Variants in CLYBL observed in about 807,000 individuals in gnomAD.
CLYBL encodes the protein citramalyl-CoA lyase.
A neutral mutation model predicts 38.9 loss-of-function variants in CLYBL; 31 were observed. The ratio of observed to expected loss-of-function variants is 0.80; its 90% CI spans 0.60 to 1.08. The LOEUF (loss-of-function observed/expected upper bound fraction) is 1.08. CLYBL is among the 50% of genes least tolerant of loss of function. The probability of loss-of-function intolerance (pLI) is 0.00; values close to 1 mark genes in which losing one functional copy is unlikely to be tolerated. For synonymous variants in CLYBL, 171 were observed against 158.6 expected, an observed-to-expected ratio of 1.08 and a Z score of -0.59; for missense variants, 434 against 411.6, an observed-to-expected ratio of 1.05 and a Z score of -0.47.
chr13:99,856,707 C>T (rs1225833079), intron 2 of CLYBL, among the ~76,000 whole-genome samples: 1 of 152,054 alleles, frequency 6.6e-6, no homozygotes. Context: ...GGTACAGTCT[C>T]GGCTCACTGC....
chr13:99,736,447 T>C (rs746288198), intron 1 of CLYBL, among the ~76,000 whole-genome samples: 13 of 152,202 alleles, frequency 8.5e-5, no homozygotes, highest in Middle Eastern at 3.4e-3. Context: ...TGGAGGTCAG[T>C]GTTTTGCTAA....
chr13:99,761,597 T>C (rs2049166771), intron 1 of CLYBL, among the ~76,000 whole-genome samples: 1 of 152,242 alleles, frequency 6.6e-6, no homozygotes, highest in African/African-American at 2.4e-5. Context: ...TTCCATATTT[T>C]GGCTATTATG....
At chr13:99,618,674 A>G (rs1436363835) in intron 1 of CLYBL, among the ~76,000 whole-genome samples, 3 of 151,946 alleles carry the variant, frequency 2.0e-5, no homozygotes, top group Non-Finnish European at 1.5e-5. Flanking sequence ...ATCTTCCCAC[A>G]CTGAAACCCT....
At chr13:99,653,897 T>G (rs1434445714) in intron 1 of CLYBL, among the ~76,000 whole-genome samples, 1 of 152,154 alleles carries the variant, frequency 6.6e-6, no homozygotes, top group East Asian at 1.9e-4. Flanking sequence ...CAGATTTGGG[T>G]GTTATGGCCA....
Position 99,835,009 on chromosome 13 carries a change from A to T in CLYBL, c.250-23852A>T, listed in dbSNP as rs556649423. On this transcript the variant is annotated intron_variant, in intron 2 of 8. Coordinates refer to ENST00000339105, the MANE Select transcript of CLYBL (RefSeq NM_206808.5). ...GTTGGAACACACCTCCCTCTTCCTA[A>T]CACACACAGTGAGAAAGGGAATTCT... 8.7e-4 allele frequency among the ~76,000 whole-genome samples: 133 copies of T among 152,114 alleles called. 1 individual carries two copies. Among genetic ancestry groups the T allele is most frequent in the Non-Finnish European group, 1.7e-3 (118 of 67,994 alleles).
Position 99,810,977 on chromosome 13 carries a change from T to C in CLYBL, c.249+37967T>C, listed in dbSNP as rs1040171573. ...AAAGAAACAGAAGCCTACAATCCCATGGCAGATAAAAAATTTTAGGAGAGC... is the reference window on the plus strand; with the variant it reads ...AAAGAAACAGAAGCCTACAATCCCACGGCAGATAAAAAATTTTAGGAGAGC... On this transcript the variant is annotated intron_variant, in intron 2 of 8. Transcript: ENST00000339105. 2.2e-4 allele frequency among the ~76,000 whole-genome samples: 33 copies of C among 152,158 alleles called. 1 individual carries two copies. The highest frequency in any genetic ancestry group is 7.2e-4 in the African/African-American group (30 of 41,448).
At chr13:99,899,721 A>C (rs2052620237), downstream of CLYBL, among the ~76,000 whole-genome samples, 1 of 152,190 alleles carries the variant, frequency 6.6e-6, no homozygotes, top group Non-Finnish European at 1.5e-5. Flanking sequence ...ATGTAAAATA[A>C]AGAGGAAAAA....
intron 1 of CLYBL, among the ~76,000 whole-genome samples, chr13:99,629,886 C>G (rs1414468702): frequency 6.6e-6 from 1 of 152,184 alleles, no homozygotes; most frequent in African/African-American, 2.4e-5. Flanking sequence ...GTGAGGATCT[C>G]ACAGTGTTCT....
At chr13:99,848,066 C>A (rs181879767) in intron 2 of CLYBL, among the ~76,000 whole-genome samples, 8 of 152,270 alleles carry the variant, frequency 5.3e-5, no homozygotes, top group African/African-American at 1.9e-4. Flanking sequence ...CTGTTCCTGC[C>A]GCTGCCCTGC....
intron 6 of CLYBL, among the ~76,000 whole-genome samples, chr13:99,870,720 A>G (rs2051867090): frequency 6.6e-6 from 1 of 152,196 alleles, no homozygotes; most frequent in South Asian, 2.1e-4. Flanking sequence ...CGGAAACACA[A>G]TTACTTCCAT....
rs1594079186 is a variant in CLYBL, at chr13:99,607,432, G to A, written c.62+675G>A. On this transcript the variant is annotated intron_variant, in intron 1 of 8. Transcript: ENST00000339105. ...TATTTGAAAGAAATTCTGGGCTCAT[G>A]CAGATGCAGATATTAGTTGGGAAAG... Among the ~76,000 whole-genome samples the A allele has an allele frequency of 2.6e-5, 4 of 152,306 alleles. 1 individual carries two copies. The highest frequency in any genetic ancestry group is 2.6e-4 in the Admixed American group (4 of 15,294).
rs2048188683 is a variant in CLYBL at position 99,709,082 on chromosome 13, G to A, written c.63-63742G>A. ...CACTCCAGCCTGGGCGGCAGAGCGA[G>A]ACTCTGTCTAAAAAAAAAGAAAGAA... On this transcript the variant is annotated intron_variant, in intron 1 of 8. Transcript: ENST00000339105. Among the ~76,000 whole-genome samples the A allele has an allele frequency of 2.0e-5, 3 of 151,842 alleles. No homozygotes were observed. In the South Asian group the frequency reaches 6.3e-4, roughly 32 times the overall value.
intron 2 of CLYBL, among the ~76,000 whole-genome samples, chr13:99,803,992 T>A (rs2050183125): frequency 6.6e-6 from 1 of 152,134 alleles, no homozygotes; most frequent in South Asian, 2.1e-4. Flanking sequence ...CGGAAGATGC[T>A]GAGGATGTTA....
chr13:99,631,331 ATGTGTGTGTGTGTG>A (rs10643696), intron 1 of CLYBL, among the ~76,000 whole-genome samples: 4 of 145,192 alleles, frequency 2.8e-5, no homozygotes, highest in African/African-American at 7.6e-5. Flanking sequence ...CCAAATATTT[ATGTGTGTGTGTGTG>A]TGTGTGTGTG....
chr13:99,763,273 C>CT (rs2049199007), intron 1 of CLYBL, among the ~76,000 whole-genome samples: 1 of 152,118 alleles, frequency 6.6e-6, no homozygotes, highest in Non-Finnish European at 1.5e-5. Context: ...TCCTTAATTT[C>CT]TCCCTGTTCA....
intron 1 of CLYBL, among the ~76,000 whole-genome samples, chr13:99,612,486 C>T (rs2046641942): frequency 6.8e-6 from 1 of 147,812 alleles, no homozygotes. Context: ...ATTCTAAGCT[C>T]AAACAGTCCT....
intron 1 of CLYBL, among the ~76,000 whole-genome samples, chr13:99,671,692 A>C (rs1237836768): frequency 6.6e-6 from 1 of 151,940 alleles, no homozygotes; most frequent in African/African-American, 2.4e-5. Flanking sequence ...AGGCAGGAGA[A>C]TCACTTGAAC....
Position 99,606,707 on chromosome 13 carries a change from T to G in CLYBL, c.12T>G (p.Arg4=), listed in dbSNP as rs902432915. The G allele has an allele frequency of 6.7e-7, 1 of 1,493,014 alleles. No homozygotes were observed. The highest frequency in any genetic ancestry group is 8.9e-7 in the Non-Finnish European group (1 of 1,127,940). The allele number at this position is 1,493,014 out of a possible 1,614,324, so 92.5% of individuals were successfully genotyped here. A position where few individuals can be genotyped will look rare whatever the true frequency, so the allele number is the denominator to read the frequency against. ...CGCGCGTCGGGAAGATGGCGCTACGTCTGCTGCGGAGGGCGGCGCGCGGAG... is the reference window on the plus strand; with the variant it reads ...CGCGCGTCGGGAAGATGGCGCTACGGCTGCTGCGGAGGGCGGCGCGCGGAG... MAL[R]LLRRAARGAA... is the part of the protein sequence containing the mutation. Residue 4 remains arginine (R), a synonymous_variant, in exon 1 of 9, where the codon CGT becomes CGG. Transcript: ENST00000339105.
chr13:99,724,716 G>A (rs1345733997), intron 1 of CLYBL, among the ~76,000 whole-genome samples: 2 of 152,150 alleles, frequency 1.3e-5, no homozygotes, highest in African/African-American at 2.4e-5. Flanking sequence ...ACACACAGAC[G>A]CAAAGGCCAT....
Sources: allele counts gnomAD v4.1 joint callset (sites outside exome capture counted in the v4.1 genomes callset), GRCh38; gene constraint gnomAD v4.1.1; transcripts MANE v1.5; gene names NCBI Gene and HGNC (gene_info 2026-07-23, HGNC 2026-07-21).